Variants in DGKB observed in about 807,000 individuals in gnomAD.
DGKB encodes the protein 90 kDa diacylglycerol kinase.
A neutral mutation model predicts 114.3 loss-of-function variants in DGKB; 67 were observed. That is an observed-to-expected ratio of 0.59 (90% CI 0.48 to 0.72). DGKB has a LOEUF of 0.72. DGKB is among the 30% of genes least tolerant of loss of function. DGKB has a pLI of 0.00. For synonymous variants in DGKB, 398 were observed against 323.1 expected, an observed-to-expected ratio of 1.23 and a Z score of -2.49; for missense variants, 907 against 975.2, an observed-to-expected ratio of 0.93 and a Z score of 0.93.
chr7:14,372,368 G>A (rs887035373), intron 21 of DGKB, among the ~76,000 whole-genome samples: 1 of 152,168 alleles, frequency 6.6e-6, no homozygotes, highest in Non-Finnish European at 1.5e-5. Flanking sequence ...CCAAGTGGCT[G>A]AGGCAAGCTA....
At chr7:14,914,676 GAT>G (rs1459080062) in intron 1 of DGKB, among the ~76,000 whole-genome samples, 1 of 152,068 alleles carries the variant, frequency 6.6e-6, no homozygotes, top group Non-Finnish European at 1.5e-5. Context: ...ACTAGACTCA[GAT>G]ATGACACAGA....
rs529699127 is a variant in DGKB, at chr7:14,548,013, G to C, written c.1770+26199C>G. Among the ~76,000 whole-genome samples, 4 of 152,210 alleles carry C rather than the reference G, an allele frequency of 2.6e-5. No individual in the cohort carries two copies. In the South Asian group the frequency reaches 8.3e-4, roughly 32 times the overall value. On this transcript the variant is annotated intron_variant, in intron 20 of 25. Transcript: ENST00000402815. ...CTATAATTGTTAGAAGTATTTAAAAGAATAACATCGTTACCTTTATCTATA... is the reference window on the plus strand; with the variant it reads ...CTATAATTGTTAGAAGTATTTAAAACAATAACATCGTTACCTTTATCTATA...
At chr7:14,707,064 C>T (rs1197660468) in intron 6 of DGKB, among the ~76,000 whole-genome samples, 14 of 149,716 alleles carry the variant, frequency 9.4e-5, no homozygotes, top group East Asian at 2.0e-4. Flanking sequence ...ATTGACAGAC[C>T]GCTAGCAAGA....
chr7:14,347,893 T>A (rs1263747228), intron 21 of DGKB, among the ~76,000 whole-genome samples: 1 of 152,074 alleles, frequency 6.6e-6, no homozygotes, highest in Non-Finnish European at 1.5e-5. Context: ...GTATAATTTT[T>A]AAAAATTTGT....
chr7:14,673,102 C>G (rs912914582), intron 12 of DGKB, 75 bp from the exon 13 acceptor site: 2 of 781,776 alleles, frequency 2.6e-6, no homozygotes, highest in African/African-American at 3.5e-5. Flanking sequence ...ATATTTCAAT[C>G]GAGATACAGC....
intron 21 of DGKB, among the ~76,000 whole-genome samples, chr7:14,458,397 C>T (rs1021651647): frequency 1.3e-5 from 2 of 152,110 alleles, no homozygotes; most frequent in Non-Finnish European, 2.9e-5. Flanking sequence ...GTGTGCCCAG[C>T]GGTGGCTGGC....
At chr7:14,869,976 C>T (rs1351816838) in intron 1 of DGKB, among the ~76,000 whole-genome samples, 4 of 152,144 alleles carry the variant, frequency 2.6e-5, no homozygotes, top group African/African-American at 7.2e-5. Context: ...TCTCCAACCT[C>T]TCTATTTTAA....
intron 1 of DGKB, among the ~76,000 whole-genome samples, chr7:14,928,773 C>T (rs1784864540): frequency 6.6e-6 from 1 of 151,762 alleles, no homozygotes; most frequent in Non-Finnish European, 1.5e-5. Context: ...TATACATCAT[C>T]AGAATAATGT....
At chr7:14,852,493 A>AAAAAAAACAAAAAAAAAAAAC (rs1475541455) in intron 1 of DGKB, among the ~76,000 whole-genome samples, 5 of 146,612 alleles carry the variant, frequency 3.4e-5, no homozygotes, top group South Asian at 2.1e-4. Flanking sequence ...AAGTCAAAAA[A>AAAAAAAACAAAAAAAAAAAAC]AAAACAGAAA....
chr7:14,570,097 T>C lies in DGKB; in HGVS notation c.1770+4115A>G, dbSNP rs141373649. ...TAGGTATATATTTTTTCAATTGGAATATATATAAATATATATTTATCATTA... is the reference window on the plus strand; with the variant it reads ...TAGGTATATATTTTTTCAATTGGAACATATATAAATATATATTTATCATTA... On this transcript the variant is annotated intron_variant, in intron 20 of 25. Transcript: ENST00000402815. Among the ~76,000 whole-genome samples the C allele has an allele frequency of 2.0e-5, 3 of 151,014 alleles. No homozygotes were observed. The East Asian group carries it at 5.8e-4, about 29-fold the overall frequency.
chr7:14,453,740 T>C (rs1333551850), intron 21 of DGKB, among the ~76,000 whole-genome samples: 1 of 152,296 alleles, frequency 6.6e-6, no homozygotes. Context: ...ATGGATCATA[T>C]GGTCTCTGTC....
intron 23 of DGKB, among the ~76,000 whole-genome samples, chr7:14,232,337 G>GA (rs1303738110): frequency 6.8e-6 from 1 of 147,842 alleles, no homozygotes; most frequent in Non-Finnish European, 1.5e-5. Flanking sequence ...TGCCCTGCTC[G>GA]AAATTCCTTG....
chr7:14,525,949 T>C (rs1790572124), intron 20 of DGKB, among the ~76,000 whole-genome samples: 1 of 152,196 alleles, frequency 6.6e-6, no homozygotes, highest in African/African-American at 2.4e-5. Context: ...TGATTTAGTA[T>C]GACATTTTAC....
chr7:14,345,524 G>A (rs1812337971), intron 21 of DGKB, 133 bp from the exon 22 acceptor site: 4 of 537,754 alleles, frequency 7.4e-6, no homozygotes, highest in Non-Finnish European at 1.3e-5. Context: ...TGTAATAGAT[G>A]GTCATATAAT....
At chr7:14,845,793 G>A (rs563874002) in intron 1 of DGKB, among the ~76,000 whole-genome samples, 1 of 151,234 alleles carries the variant, frequency 6.6e-6, no homozygotes, top group Non-Finnish European at 1.5e-5. Flanking sequence ...AGTTTTCCTA[G>A]GGACTACATC....
chr7:14,967,287 A>T (rs1268274388), intron 1 of DGKB, among the ~76,000 whole-genome samples: 2 of 151,812 alleles, frequency 1.3e-5, no homozygotes, highest in African/African-American at 2.4e-5. Flanking sequence ...CATCCTAAAG[A>T]ACAAGTGTTT....
At chr7:14,477,046 G>A (rs946690706) in intron 21 of DGKB, among the ~76,000 whole-genome samples, 4 of 151,838 alleles carry the variant, frequency 2.6e-5, no homozygotes, top group South Asian at 2.1e-4. Context: ...CACCGTGCCC[G>A]GCCTACTAAA....
intron 17 of DGKB, among the ~76,000 whole-genome samples, chr7:14,584,645 C>T (rs1560478): frequency 0.57 from 87,281 of 151,814 alleles, 26,191 homozygotes; most frequent in African/African-American, 0.76. Context: ...TATTGAATTG[C>T]CTTTTTATTT....
chr7:14,608,263 G>C (rs949979419), intron 16 of DGKB, among the ~76,000 whole-genome samples: 15 of 151,630 alleles, frequency 9.9e-5, no homozygotes, highest in African/African-American at 3.1e-4. Context: ...ATTATTCCTG[G>C]GATAAAAAGT....
Sources: allele counts gnomAD v4.1 joint callset (sites outside exome capture counted in the v4.1 genomes callset), GRCh38; gene constraint gnomAD v4.1.1; transcripts MANE v1.5; gene names NCBI Gene and HGNC (gene_info 2026-07-23, HGNC 2026-07-21).